AMN1: variants seen among roughly 807,000 people sequenced by gnomAD.
AMN1 encodes antagonist of mitotic exit network 1 homolog.
In AMN1, 20 loss-of-function variants were observed where a neutral mutation model predicts 33.0. That is an observed-to-expected ratio of 0.61 (90% CI 0.43 to 0.88). The LOEUF (loss-of-function observed/expected upper bound fraction) is 0.88, where lower values mean the gene tolerates loss of function less well. AMN1 is among the 40% of genes least tolerant of loss of function. The pLI is 0.00. For synonymous variants in AMN1, 114 were observed against 111.9 expected (o/e 1.02, Z -0.12); for missense variants, 246 against 307.4 (o/e 0.80, Z 1.49).
chr12:31,673,499 A>C, intron 6 of AMN1: 1 of 237,160 alleles, frequency 4.2e-6, no homozygotes, highest in Non-Finnish European at 8.7e-6. Flanking sequence ...GGAAATCTCA[A>C]TCAAAGATAG....
chr12:31,685,018 T>C (rs1168307040), intron 6 of AMN1, among the ~76,000 whole-genome samples: 1 of 151,592 alleles, frequency 6.6e-6, no homozygotes, highest in Non-Finnish European at 1.5e-5. Context: ...AAATTTTGTT[T>C]TCCATAATTA....
chr12:31,706,132 G>A (rs888462739), intron 2 of AMN1, among the ~76,000 whole-genome samples: 2 of 151,940 alleles, frequency 1.3e-5, no homozygotes, highest in African/African-American at 4.8e-5. Context: ...CTAACATGGT[G>A]AAACCCCGTC....
At chr12:31,728,905 C>T in intron 1 of AMN1, 66 bp downstream of exon 1, 2 of 1,507,038 alleles carry the variant, frequency 1.3e-6, no homozygotes, top group Non-Finnish European at 1.8e-6. Context: ...AAGAGCAGCG[C>T]AGGGCCTGGC....
chr12:31,720,401 G>T (rs1357775531), intron 1 of AMN1, among the ~76,000 whole-genome samples: 7 of 152,160 alleles, frequency 4.6e-5, no homozygotes, highest in East Asian at 1.9e-4. Context: ...TTAGCCGGGT[G>T]TGGTGGCAGG....
At chr12:31,715,400 AC>A (rs543245772) in intron 1 of AMN1, 6 of 205,266 alleles carry the variant, frequency 2.9e-5, no homozygotes, top group Non-Finnish European at 6.4e-5. Flanking sequence ...CATTTCTTCA[AC>A]GTGCTTATCT....
chr12:31,710,932 C>A (rs1053513031), intron 1 of AMN1, among the ~76,000 whole-genome samples: 1 of 152,070 alleles, frequency 6.6e-6, no homozygotes, highest in Non-Finnish European at 1.5e-5. Context: ...TTTTTTGAGA[C>A]AGAGTCTCAC....
At chr12:31,719,701 A>G (rs1407087591) in intron 1 of AMN1, among the ~76,000 whole-genome samples, 2 of 152,216 alleles carry the variant, frequency 1.3e-5, no homozygotes, top group Non-Finnish European at 2.9e-5. Context: ...GGCCTTATCT[A>G]GTAAAGCTAA....
intron 2 of AMN1, among the ~76,000 whole-genome samples, chr12:31,706,311 CA>C (rs3032986): frequency 0.1 from 6,670 of 65,904 alleles, 195 homozygotes; most frequent in East Asian, 0.23. Flanking sequence ...GACTCCGTCT[CA>C]AAAAAAAAAA....
intron 6 of AMN1, among the ~76,000 whole-genome samples, chr12:31,680,092 C>T (rs1937929610): frequency 7.3e-6 from 1 of 136,550 alleles, no homozygotes; most frequent in African/African-American, 2.7e-5. Flanking sequence ...CACTACACTC[C>T]AGGCGGCAAC....
chr12:31,672,241 G>T lies in AMN1; in HGVS notation c.*63C>A. The T allele has an allele frequency of 9.0e-7, 1 of 1,114,002 alleles. No homozygotes were observed. Among genetic ancestry groups the T allele is most frequent in the Non-Finnish European group, 1.3e-6 (1 of 750,826 alleles). The allele number at this position is 1,114,002 out of a possible 1,614,324, so 69.0% of individuals were successfully genotyped here. A position where few individuals can be genotyped will look rare whatever the true frequency, so the allele number is the denominator to read the frequency against. On this transcript the variant is annotated 3_prime_UTR_variant, in exon 7 of 7. Coordinates refer to ENST00000281471, the MANE Select transcript of AMN1 (RefSeq NM_001113402.2). ...ATTAAGTAGAATGCAAATCTCTATA[G>T]ATGGTTTCCTGGGAAAGTAGTTTTG...
chr12:31,682,403 C>T (rs1329128269), intron 6 of AMN1, among the ~76,000 whole-genome samples: 2 of 151,352 alleles, frequency 1.3e-5, no homozygotes, highest in East Asian at 3.9e-4. Flanking sequence ...CCAAAGGCAG[C>T]GACAGTGTAG....
At chr12:31,724,478 A>T (rs981539662) in intron 1 of AMN1, among the ~76,000 whole-genome samples, 1 of 152,188 alleles carries the variant, frequency 6.6e-6, no homozygotes, top group Non-Finnish European at 1.5e-5. Context: ...GCTACTCAAA[A>T]TGGTGCATAA....
At position 31,683,246 on chromosome 12, in the gene AMN1, G is replaced by C. The variant is rs905967416; in HGVS notation, c.703+5761C>G. Reference sequence around the variant, plus strand: ...CCAAAGTGCAGGACTACAGGCGTGAGCTACCACACCTGGCCAGAAAATGAT... The same window carrying C: ...CCAAAGTGCAGGACTACAGGCGTGACCTACCACACCTGGCCAGAAAATGAT... On this transcript the variant is annotated intron_variant, in intron 6 of 6. Transcript: ENST00000281471. This position sits in a 1 kb window ranked among gnomAD's most constrained non-coding sequence, Gnocchi z 4.1. Among the ~76,000 whole-genome samples, 1 of 152,176 alleles carries C rather than the reference G, an allele frequency of 6.6e-6. No individual in the cohort carries two copies. Among genetic ancestry groups the C allele is most frequent in the Non-Finnish European group, 1.5e-5 (1 of 68,036 alleles).
chr12:31,707,613 G>T (rs1939296176), intron 2 of AMN1, among the ~76,000 whole-genome samples: 3 of 152,108 alleles, frequency 2.0e-5, no homozygotes, highest in South Asian at 4.2e-4. Context: ...CTCTTTAAAA[G>T]ACCTCATATA....
At chr12:31,723,947 T>C (rs1939968905) in intron 1 of AMN1, among the ~76,000 whole-genome samples, 1 of 152,188 alleles carries the variant, frequency 6.6e-6, no homozygotes, top group South Asian at 2.1e-4. Flanking sequence ...ATAAAAATGC[T>C]CTTGTTCCTC....
intron 6 of AMN1, among the ~76,000 whole-genome samples, chr12:31,678,616 C>G (rs1351667719): frequency 6.6e-6 from 1 of 152,056 alleles, no homozygotes; most frequent in East Asian, 1.9e-4. Flanking sequence ...AGGCTGGTCT[C>G]GAACTCCTGA....
In AMN1 at chr12:31,702,014, CAAAT is replaced by C. The variant is rs1939028143; in HGVS notation, c.172-11_172-8del. On this transcript the variant is annotated splice_polypyrimidine_tract_variant and splice_region_variant and intron_variant, in intron 2 of 6. Transcript: ENST00000281471. ...GGACTTCAGGATGTAAAATCTATAA[CAAAT>C]AAGTGATTTTGAAAAAATTATTTCT... The C allele has an allele frequency of 1.3e-6, 2 of 1,575,792 alleles. No homozygotes were observed. Among genetic ancestry groups the C allele is most frequent in the South Asian group, 1.2e-5 (1 of 83,300 alleles).
At chr12:31,725,142 G>A (rs529624509) in intron 1 of AMN1, among the ~76,000 whole-genome samples, 5 of 152,222 alleles carry the variant, frequency 3.3e-5, no homozygotes, top group African/African-American at 4.8e-5. Context: ...AGTTTAAAAC[G>A]GATGGACACA....
rs374624857 is a variant in AMN1, at chr12:31,685,040, T to G, written c.703+3967A>C. ...GTTTTCCATAATTATTATTTTTTTT[T>G]TTTTGAGATAGAGTCCTGCCCACTC... On this transcript the variant is annotated intron_variant, in intron 6 of 6. Coordinates refer to ENST00000281471, the MANE Select transcript of AMN1 (RefSeq NM_001113402.2). Among the ~76,000 whole-genome samples the G allele has an allele frequency of 9.5e-3, 1,438 of 151,474 alleles. 24 individuals carry two copies. Among genetic ancestry groups the G allele is most frequent in the African/African-American group, 0.033 (1,360 of 41,270 alleles).
Sources: gnomAD v4.1 joint callset for allele counts (sites outside exome capture counted in the v4.1 genomes callset) on GRCh38, gnomAD v4.1.1 for gene constraint, Gnocchi (gnomAD v3.1) non-coding constraint, MANE v1.5 for transcripts, NCBI Gene and HGNC (gene_info 2026-07-23, HGNC 2026-07-21) for gene names.